The following MAD1L1 variants were observed in gnomAD, a reference collection of about 807,000 sequenced individuals.
MAD1L1 encodes the protein mitotic spindle assembly checkpoint protein MAD1.
A neutral mutation model predicts 96.9 loss-of-function variants in MAD1L1; 95 were observed. The ratio of observed to expected loss-of-function variants is 0.98; its 90% CI spans 0.83 to 1.16. The LOEUF (loss-of-function observed/expected upper bound fraction) is 1.16. MAD1L1 is among the 50% of genes most tolerant of loss of function. The pLI is 0.00. For missense variants in MAD1L1, 1,007 were observed against 954.4 expected, an observed-to-expected ratio of 1.06 and a Z score of -0.73; for synonymous variants, 473 against 396.6, an observed-to-expected ratio of 1.19 and a Z score of -2.29.
chr7:1,834,859 C>G (rs4463319), intron 18 of MAD1L1, among the ~76,000 whole-genome samples: 66,418 of 149,350 alleles, frequency 0.44, 14,623 homozygotes, highest in African/African-American at 0.48. Context: ...ACAAGCCGCA[C>G]CCCCCCAAAA....
chr7:1,894,364 C>T (rs1786734624), intron 18 of MAD1L1, among the ~76,000 whole-genome samples: 1 of 152,210 alleles, frequency 6.6e-6, no homozygotes, highest in African/African-American at 2.4e-5. Context: ...AGAAGGTCTG[C>T]AGGGACCAGG....
chr7:2,151,855 A>C (rs1161905931), intron 10 of MAD1L1, among the ~76,000 whole-genome samples: 1 of 152,156 alleles, frequency 6.6e-6, no homozygotes, highest in Non-Finnish European at 1.5e-5. Context: ...CTCCTACGTC[A>C]CCCAGGAAGG....
intron 16 of MAD1L1, among the ~76,000 whole-genome samples, chr7:1,955,307 G>A (rs898751577): frequency 1.3e-5 from 2 of 152,176 alleles, no homozygotes; most frequent in African/African-American, 2.4e-5. Flanking sequence ...GGCGGCAGCC[G>A]GCTCCTGGGG....
chr7:1,897,514 C>CAAG (rs887999626), intron 18 of MAD1L1, among the ~76,000 whole-genome samples: 16 of 152,366 alleles, frequency 1.1e-4, no homozygotes, highest in African/African-American at 3.8e-4. Context: ...CAGTGATGAA[C>CAAG]AAGCCCCTGT....
At chr7:2,010,141 T>C (rs1782229485) in intron 13 of MAD1L1, among the ~76,000 whole-genome samples, 1 of 143,434 alleles carries the variant, frequency 7.0e-6, no homozygotes, top group African/African-American at 2.6e-5. Flanking sequence ...GTTCTTTCAA[T>C]GAGGGAAACA....
At chr7:1,917,682 G>A (rs1367680503) in intron 17 of MAD1L1, among the ~76,000 whole-genome samples, 4 of 152,230 alleles carry the variant, frequency 2.6e-5, no homozygotes, top group Non-Finnish European at 5.9e-5. Flanking sequence ...TGCTTGCCAC[G>A]GCTGGGGACC....
In MAD1L1 at chr7:1,827,648, C is replaced by A. The variant is rs1782487919; in HGVS notation, c.1999-11420G>T. Among the ~76,000 whole-genome samples the A allele has an allele frequency of 1.8e-5, 2 of 110,222 alleles. 1 individual carries two copies. Among genetic ancestry groups the A allele is most frequent in the East Asian group, 5.8e-4 (2 of 3,454 alleles). The allele number at this position is 110,222 out of a possible 152,430, so 72.3% of individuals were successfully genotyped here. A position where few individuals can be genotyped will look rare whatever the true frequency, so the allele number is the denominator to read the frequency against. ...GAGCCCCGCCCGGGTGTGGGGGCCT[C>A]CCCTCCTGAGCCCGGCCCGGGTGTG... is the stretch of plus-strand genomic sequence containing the variant. On this transcript the variant is annotated intron_variant, in intron 18 of 18. Coordinates refer to ENST00000265854, the MANE Select transcript of MAD1L1 (RefSeq NM_001013836.2).
chr7:1,968,479 C>T lies in MAD1L1; in HGVS notation c.1506-10760G>A, dbSNP rs542787167. On this transcript the variant is annotated intron_variant, in intron 15 of 18. Coordinates refer to ENST00000265854, the MANE Select transcript of MAD1L1 (RefSeq NM_001013836.2). This position sits in a 1 kb window ranked among gnomAD's most constrained non-coding sequence, Gnocchi z 5.6. ...GTCCACCATCAATGCCTCAGTCCAG[C>T]GGTCAGGTCCACTGTCCATGCCTCA... Among the ~76,000 whole-genome samples the T allele has an allele frequency of 6.6e-6, 1 of 151,596 alleles. No individual in the cohort carries two copies. Among genetic ancestry groups the T allele is most frequent in the Non-Finnish European group, 1.5e-5 (1 of 67,912 alleles).
In MAD1L1 at chr7:1,867,163, C is replaced by T. The variant is rs552164161; in HGVS notation, c.1998+31037G>A. 5.2e-4 allele frequency among the ~76,000 whole-genome samples: 79 copies of T among 152,308 alleles called. 1 individual carries two copies. In the South Asian group the frequency reaches 0.014, roughly 26 times the overall value. The stretch of plus-strand genomic sequence containing the variant: ...GCAGAAGCTGGTGAGATGGATGGCA[C>T]GGTCAGTGCCACAGACATGGGCACC... On this transcript the variant is annotated intron_variant, in intron 18 of 18. Coordinates refer to ENST00000265854, the MANE Select transcript of MAD1L1 (RefSeq NM_001013836.2).
At chr7:1,836,016 G>A (rs1043916058) in intron 18 of MAD1L1, among the ~76,000 whole-genome samples, 2 of 152,088 alleles carry the variant, frequency 1.3e-5, no homozygotes, top group African/African-American at 2.4e-5. Context: ...GATGACCAGA[G>A]GTCACTTTCT....
intron 18 of MAD1L1, among the ~76,000 whole-genome samples, chr7:1,840,256 C>T (rs2128631958): frequency 6.6e-6 from 1 of 152,348 alleles, no homozygotes; most frequent in Middle Eastern, 3.4e-3. Context: ...AGGCCAGAAA[C>T]ATCTCCCCAA....
At chr7:2,133,036 A>G (rs934532273) in intron 11 of MAD1L1, among the ~76,000 whole-genome samples, 7 of 152,184 alleles carry the variant, frequency 4.6e-5, no homozygotes, top group Non-Finnish European at 7.3e-5. Flanking sequence ...GCCTGTTCAG[A>G]GCTCACCCAT....
At chr7:1,966,639 A>C (rs1282395472) in intron 15 of MAD1L1, among the ~76,000 whole-genome samples, 1 of 152,046 alleles carries the variant, frequency 6.6e-6, no homozygotes, top group Non-Finnish European at 1.5e-5. Flanking sequence ...ACCCAAAGAA[A>C]TCCACACCCA....
rs571715356 is a variant in MAD1L1 at position 1,903,517 on chromosome 7, G to A, written c.1808-5127C>T. 3.4e-4 allele frequency among the ~76,000 whole-genome samples: 49 copies of A among 142,896 alleles called. 1 individual carries two copies. The highest frequency in any genetic ancestry group is 1.1e-3 in the Admixed American group (16 of 14,606). 93.7% of individuals were successfully genotyped at this position (142,896 alleles called of 152,430 possible). ...TTGATCAAGCACTGTTCCAGGCAGC[G>A]AGGACGCAGTGGCCTATGGAAGACG... On this transcript the variant is annotated intron_variant, in intron 17 of 18. Coordinates refer to ENST00000265854, the MANE Select transcript of MAD1L1 (RefSeq NM_001013836.2).
chr7:2,028,827 C>A (rs1234681146), intron 12 of MAD1L1, among the ~76,000 whole-genome samples: 1 of 151,864 alleles, frequency 6.6e-6, no homozygotes, highest in Non-Finnish European at 1.5e-5. Context: ...AGCAGCTTTG[C>A]AGTAAGGAGT....
chr7:1,816,123 C>G lies in MAD1L1; in HGVS notation c.2104G>C (p.Ala702Pro). Residue 702 changes from alanine (A) to proline (P), a missense_variant, in exon 19 of 19, where the codon GCC (alanine) becomes CCC (proline). Ala to Pro is a conservative substitution (Grantham distance 27). Transcript: ENST00000265854. ...TCGAGGGTGAGCGAGCTGAGGAAGG[C>G]AGGGATGCTGTCCTGGCGCCGCAGG... is the stretch of plus-strand genomic sequence containing the variant. ...VHLRRQDSIP[A>P]FLSSLTLELF... The G allele has an allele frequency of 6.2e-7, 1 of 1,613,012 alleles. No individual in the cohort carries two copies. Among genetic ancestry groups the G allele is most frequent in the Non-Finnish European group, 8.5e-7 (1 of 1,179,834 alleles).
chr7:2,222,889 G>C (rs1639918), intron 4 of MAD1L1, 135 bp from the exon 5 acceptor site: 3 of 677,226 alleles, frequency 4.4e-6, no homozygotes, highest in Non-Finnish European at 7.1e-6. Context: ...CCAAGTCATA[G>C]GCAGAACCAG....
At chr7:2,153,749 T>C (rs1789691699) in intron 10 of MAD1L1, among the ~76,000 whole-genome samples, 1 of 152,240 alleles carries the variant, frequency 6.6e-6, no homozygotes, top group South Asian at 2.1e-4. Context: ...TGCATTCCCA[T>C]GTTTATCACA....
At chr7:1,895,358 C>A (rs553123619) in intron 18 of MAD1L1, among the ~76,000 whole-genome samples, 18 of 152,258 alleles carry the variant, frequency 1.2e-4, no homozygotes, top group African/African-American at 2.6e-4. Flanking sequence ...CAGCCAGCAC[C>A]CCCCTGGCAA....
Sources: gnomAD v4.1 joint callset for allele counts (sites outside exome capture counted in the v4.1 genomes callset) on GRCh38, gnomAD v4.1.1 for gene constraint, Gnocchi (gnomAD v3.1) non-coding constraint, MANE v1.5 for transcripts, NCBI Gene and HGNC (gene_info 2026-07-23, HGNC 2026-07-21) for gene names.